Variants in NR5A2 observed in about 807,000 individuals in gnomAD.
NR5A2 encodes CYP7A promoter-binding factor.
Under a neutral mutation model 62.7 loss-of-function variants are expected in NR5A2, and 26 were observed. That is an observed-to-expected ratio of 0.41 (90% CI 0.30 to 0.58). NR5A2 has a LOEUF of 0.58. Among genes scored for constraint, NR5A2 ranks in the 20% least tolerant of loss-of-function variants. The pLI is 0.22. For synonymous variants in NR5A2, 246 were observed against 241.7 expected (o/e 1.02, Z -0.16); for missense variants, 541 against 669.1 (o/e 0.81, Z 2.11).
chr1:200,089,733 G>T (rs1664730648), intron 5 of NR5A2, among the ~76,000 whole-genome samples: 1 of 152,034 alleles, frequency 6.6e-6, no homozygotes, highest in Admixed American at 6.6e-5. Context: ...GCCTCCCAAA[G>T]TGCTGGGATT....
intron 7 of NR5A2, among the ~76,000 whole-genome samples, chr1:200,152,858 C>T (rs556966298): frequency 3.9e-5 from 6 of 152,288 alleles, no homozygotes; most frequent in African/African-American, 1.4e-4. Context: ...GTATGCTCTG[C>T]AAGGACTGTG....
rs1341398292 is a variant in NR5A2, at chr1:200,138,596, T to C, written c.1378+17641T>C. ...AATGTCCAGAATTTAATTTTGTGTA[T>C]GGTGTGAGGGGGAGATCTAGTTTTT... is the stretch of plus-strand genomic sequence containing the variant. On this transcript the variant is annotated intron_variant, in intron 7 of 7. Coordinates refer to ENST00000367362, the MANE Select transcript of NR5A2 (RefSeq NM_205860.3). Among the ~76,000 whole-genome samples the C allele has an allele frequency of 3.9e-5, 6 of 152,302 alleles. No homozygotes were observed. The East Asian group carries it at 9.6e-4, about 24-fold the overall frequency.
chr1:200,099,359 T>C (rs1665258158), intron 5 of NR5A2, among the ~76,000 whole-genome samples: 1 of 150,888 alleles, frequency 6.6e-6, no homozygotes, highest in South Asian at 2.1e-4. Flanking sequence ...TTTTTTTTCC[T>C]GGCTTTGTAA....
At chr1:200,164,867 GTTTTTTTTT>G (rs56818276) in intron 7 of NR5A2, among the ~76,000 whole-genome samples, 1 of 63,896 alleles carries the variant, frequency 1.6e-5, no homozygotes, top group African/African-American at 8.4e-5. Flanking sequence ...TTTTAGAGCA[GTTTTTTTTT>G]TTTTTTTTTT....
chr1:200,129,663 T>C (rs141597521), intron 7 of NR5A2, among the ~76,000 whole-genome samples: 1,566 of 152,362 alleles, frequency 0.01, 23 homozygotes, highest in Non-Finnish European at 0.016. Flanking sequence ...GGGTGTGAAC[T>C]CGTTGCTTTA....
intron 5 of NR5A2, among the ~76,000 whole-genome samples, chr1:200,050,602 T>C (rs1427238492): frequency 6.6e-6 from 1 of 152,170 alleles, no homozygotes; most frequent in Non-Finnish European, 1.5e-5. Context: ...TAAATTGATA[T>C]TACTGGGGCC....
At chr1:200,036,210 G>A (rs1661772971) in intron 1 of NR5A2, among the ~76,000 whole-genome samples, 1 of 152,204 alleles carries the variant, frequency 6.6e-6, no homozygotes, top group South Asian at 2.1e-4. Flanking sequence ...CCACTTGGCT[G>A]TCTTCATATT....
rs186542341 is a variant in NR5A2 at position 200,095,756 on chromosome 1, G to A, written c.1111-15446G>A. Reference sequence around the variant, plus strand: ...TTTAGTAGAGACAGGGTTTTACCACGTTAGCCAGGATGGTGTCGATCTCCT... The same window carrying A: ...TTTAGTAGAGACAGGGTTTTACCACATTAGCCAGGATGGTGTCGATCTCCT... On this transcript the variant is annotated intron_variant, in intron 5 of 7. Transcript: ENST00000367362. Among the ~76,000 whole-genome samples, 766 of 152,034 alleles carry A rather than the reference G, an allele frequency of 5.0e-3. 4 individuals are homozygous for A. Among genetic ancestry groups the A allele is most frequent in the Non-Finnish European group, 8.5e-3 (576 of 67,988 alleles).
intron 2 of NR5A2, among the ~76,000 whole-genome samples, chr1:200,040,650 A>G (rs1662020526): frequency 6.6e-6 from 1 of 152,214 alleles, no homozygotes. Context: ...GTGCTCTTCC[A>G]TCCTCGCCCC....
intron 7 of NR5A2, among the ~76,000 whole-genome samples, chr1:200,152,757 G>A (rs1334493200): frequency 6.6e-6 from 1 of 152,014 alleles, no homozygotes; most frequent in Non-Finnish European, 1.5e-5. Flanking sequence ...AAAATTATGT[G>A]AGAATTTTGC....
chr1:200,138,349 G>T (rs1286120536), intron 7 of NR5A2, among the ~76,000 whole-genome samples: 1 of 152,144 alleles, frequency 6.6e-6, no homozygotes, highest in African/African-American at 2.4e-5. Flanking sequence ...CTATAATACA[G>T]ATGCTGTCAT....
At chr1:200,145,569 CCA>C (rs563371506) in intron 7 of NR5A2, among the ~76,000 whole-genome samples, 4 of 150,082 alleles carry the variant, frequency 2.7e-5, no homozygotes, top group Non-Finnish European at 5.9e-5. Context: ...AATATGAATT[CCA>C]GTTTCTTTCT....
At chr1:200,129,430 A>C (rs1666866957) in intron 7 of NR5A2, among the ~76,000 whole-genome samples, 1 of 152,246 alleles carries the variant, frequency 6.6e-6, no homozygotes, top group Non-Finnish European at 1.5e-5. Flanking sequence ...AACATAGCCC[A>C]GAAAACCACG....
chr1:200,176,938 G>A lies in NR5A2; in HGVS notation c.*2728G>A, dbSNP rs1297359425. 2.0e-5 allele frequency: 3 copies of A among 152,146 alleles called. No homozygotes were observed. Among genetic ancestry groups the A allele is most frequent in the African/African-American group, 7.2e-5 (3 of 41,430 alleles). The allele number at this position is 152,146 out of a possible 1,614,324, so 9.4% of individuals were successfully genotyped here. On this transcript the variant is annotated 3_prime_UTR_variant, in exon 8 of 8. Coordinates refer to ENST00000367362, the MANE Select transcript of NR5A2 (RefSeq NM_205860.3). ...AATCATGAGAATGATTAGAAAGACGGGCAACACAGCGGGTTACATCCACAC... is the reference window on the plus strand; with the variant it reads ...AATCATGAGAATGATTAGAAAGACGAGCAACACAGCGGGTTACATCCACAC...
At chr1:200,131,008 A>G (rs1032509933) in intron 7 of NR5A2, among the ~76,000 whole-genome samples, 1 of 152,248 alleles carries the variant, frequency 6.6e-6, no homozygotes, top group Non-Finnish European at 1.5e-5. Flanking sequence ...AAATAACTGC[A>G]CATATCTTCA....
chr1:200,064,663 A>C (rs1231808129), intron 5 of NR5A2, among the ~76,000 whole-genome samples: 1 of 152,198 alleles, frequency 6.6e-6, no homozygotes, highest in Non-Finnish European at 1.5e-5. Flanking sequence ...TGTACCAGGG[A>C]CATATGCCCA....
chr1:200,091,016 G>A (rs1664792265), intron 5 of NR5A2, among the ~76,000 whole-genome samples: 2 of 152,140 alleles, frequency 1.3e-5, no homozygotes, highest in Non-Finnish European at 2.9e-5. Flanking sequence ...ATTCTTCTGA[G>A]ATCAATATCC....
intron 2 of NR5A2, among the ~76,000 whole-genome samples, chr1:200,040,598 T>C (rs1662018020): frequency 6.6e-6 from 1 of 152,252 alleles, no homozygotes; most frequent in Non-Finnish European, 1.5e-5. Context: ...TTATCTCATT[T>C]GCTCTGGGCC....
At chr1:200,068,410 T>C (rs991573232) in intron 5 of NR5A2, among the ~76,000 whole-genome samples, 38 of 152,196 alleles carry the variant, frequency 2.5e-4, no homozygotes, top group African/African-American at 8.9e-4. Flanking sequence ...GGACTTAGTT[T>C]CCCACTACTT....
Sources: gnomAD v4.1 joint callset for allele counts (sites outside exome capture counted in the v4.1 genomes callset) on GRCh38, gnomAD v4.1.1 for gene constraint, MANE v1.5 for transcripts, NCBI Gene and HGNC (gene_info 2026-07-23, HGNC 2026-07-21) for gene names.